The following BRAT1 variants were observed in gnomAD, a reference collection of about 807,000 sequenced individuals.
The protein encoded by BRAT1 is BRCA1 associated ATM activator 1.
Under a neutral mutation model 70.6 loss-of-function variants are expected in BRAT1, and 74 were observed. The ratio of observed to expected loss-of-function variants is 1.05; its 90% CI spans 0.87 to 1.27. BRAT1 has a LOEUF of 1.27. Among genes scored for constraint, BRAT1 ranks in the 50% most tolerant of loss-of-function variants. BRAT1 has a pLI of 0.00. For missense variants in BRAT1, 1,203 were observed against 1,098.2 expected (o/e 1.10, Z -1.35); for synonymous variants, 615 against 517.1 (o/e 1.19, Z -2.57).
In BRAT1 at chr7:2,539,661, G is replaced by A. The variant is rs1280788204; in HGVS notation, c.1499-19C>T. The A allele has an allele frequency of 2.5e-6, 4 of 1,577,902 alleles. No individual in the cohort carries two copies. The highest frequency in any genetic ancestry group is 8.6e-7 in the Non-Finnish European group (1 of 1,160,338). The stretch of plus-strand genomic sequence containing the variant: ...AACAGCTCTAGGGTGGGAAGGGACA[G>A]GTCAGGGTGACCTTGGGGCCAGGCT... On this transcript the variant is annotated intron_variant, in intron 11 of 13. Transcript: ENST00000340611.
Position 2,538,096 on chromosome 7 carries a change from C to T in BRAT1, c.2439G>A (p.Leu813=). The T allele has an allele frequency of 6.3e-7, 1 of 1,582,668 alleles. No homozygotes were observed. The highest frequency in any genetic ancestry group is 8.6e-7 in the Non-Finnish European group (1 of 1,159,018). Residue 813 remains leucine (L), a synonymous_variant, in exon 14 of 14, where the codon CTG becomes CTA. Transcript: ENST00000340611. ...AGTAGCAGTCGGCCTCGTCCCCCTG[C>T]AGGAAGCCTCCCGTGGCCAGCATGT... ...LQDMLATGGF[L]QGDEADCY
Position 2,537,981 on chromosome 7 carries a change from C to A in BRAT1, c.*88G>T. The A allele has an allele frequency of 1.4e-6, 2 of 1,436,840 alleles. No individual in the cohort carries two copies. The highest frequency in any genetic ancestry group is 1.8e-6 in the Non-Finnish European group (2 of 1,096,870). The allele number at this position is 1,436,840 out of a possible 1,614,324, so 89.0% of individuals were successfully genotyped here. ...TCCCCAGAGGATCCACCGGGCTGGG[C>A]TGGAGCCCTGGGGCTGGCAGTGTCC... On this transcript the variant is annotated 3_prime_UTR_variant, in exon 14 of 14. Transcript: ENST00000340611.
intron 2 of BRAT1, among the ~76,000 whole-genome samples, chr7:2,552,097 TATATATA>T (rs1562593528): frequency 6.5e-4 from 13 of 19,968 alleles, no homozygotes; most frequent in Admixed American, 4.6e-3. Flanking sequence ...TATATATATA[TATATATA>T]TATTTTTTTT....
Position 2,543,194 on chromosome 7 carries a change from CA to C in BRAT1, c.923+9del. On this transcript the variant is annotated intron_variant, in intron 6 of 13. Coordinates refer to ENST00000340611, the MANE Select transcript of BRAT1 (RefSeq NM_152743.4). The surrounding 1 kb of genome is among the most constrained non-coding windows in gnomAD (Gnocchi z 5.5). ...ACCCGCCTCGGAATGAAATGCACCCCAGACCATACCAGTGCTCGAGCTTCAG... is the reference window on the plus strand; with the variant it reads ...ACCCGCCTCGGAATGAAATGCACCCCGACCATACCAGTGCTCGAGCTTCAG... 6.3e-7 allele frequency: 1 copy of C among 1,594,342 alleles called. No homozygotes were observed. The highest frequency in any genetic ancestry group is 8.5e-7 in the Non-Finnish European group (1 of 1,170,796).
intron 8 of BRAT1, 68 bp from the exon 9 acceptor site, chr7:2,541,552 A>G: frequency 6.7e-7 from 1 of 1,482,780 alleles, no homozygotes; most frequent in East Asian, 2.5e-5. Context: ...GGGTGCTGGG[A>G]CTTCGAGGCA....
At position 2,541,069 on chromosome 7, in the gene BRAT1, T is replaced by C. The variant is rs565014129; in HGVS notation, c.1322-17A>G. 1 of 1,544,272 alleles carries C rather than the reference T, an allele frequency of 6.5e-7. No homozygotes were observed. Among genetic ancestry groups the C allele is most frequent in the Non-Finnish European group, 8.7e-7 (1 of 1,155,334 alleles). ...CCTGGGGGCCTGAGACAGAGGTGAG[T>C]GGATAAACCACCCCCACCCCCACCC... On this transcript the variant is annotated splice_polypyrimidine_tract_variant and intron_variant, in intron 9 of 13. Coordinates refer to ENST00000340611, the MANE Select transcript of BRAT1 (RefSeq NM_152743.4).
chr7:2,539,352 C>T lies in BRAT1; in HGVS notation c.1598-1G>A, dbSNP rs1778960981. On this transcript the variant is annotated splice_acceptor_variant, in intron 12 of 13. Transcript: ENST00000340611. LOFTEE classifies it high-confidence loss of function. ...AGTGCGCATCTGAAGTCAGCCTGTC[C>T]TGGGGGTCGAAACGGCCACATGCAG... is the stretch of plus-strand genomic sequence containing the variant. The T allele has an allele frequency of 1.2e-6, 2 of 1,601,394 alleles. No individual in the cohort carries two copies. Among genetic ancestry groups the T allele is most frequent in the Admixed American group, 1.7e-5 (1 of 59,618 alleles).
At chr7:2,539,381 T>G in intron 12 of BRAT1, 30 bp from the exon 13 acceptor site, 1 of 1,584,404 alleles carries the variant, frequency 6.3e-7, no homozygotes, top group Non-Finnish European at 8.6e-7. Flanking sequence ...CATGCAGCTG[T>G]GACTGAGGGC....
At chr7:2,549,548 A>G (rs1002544302) in intron 2 of BRAT1, among the ~76,000 whole-genome samples, 3 of 152,224 alleles carry the variant, frequency 2.0e-5, no homozygotes, top group Non-Finnish European at 4.4e-5. Context: ...AGCTTTATCA[A>G]TCTGATGGAG....
intron 1 of BRAT1, 147 bp from the exon 2 acceptor site, chr7:2,554,594 G>C (rs1583346715): frequency 3.8e-6 from 4 of 1,058,846 alleles, no homozygotes; most frequent in South Asian, 3.4e-5. Context: ...CCCCAGACCA[G>C]AGGTCTGTAC....
intron 6 of BRAT1, chr7:2,542,981 C>T: frequency 2.3e-6 from 1 of 442,552 alleles, no homozygotes; most frequent in South Asian, 3.5e-5. Flanking sequence ...CTTCTCACCT[C>T]TGGGGATCTC....
In BRAT1 at chr7:2,538,248, G is replaced by C. The variant is rs747589994; in HGVS notation, c.2287C>G (p.Pro763Ala). ...GCCTCAGGCTCCTGGTCCCCTGGGG[G>C]CTGGGCCTGCTCACCCGCCCGCCAC... is the stretch of plus-strand genomic sequence containing the variant. ...PRWRAGEQAQPPGDQEPEAVL... is the reference protein window; with the variant it reads ...PRWRAGEQAQAPGDQEPEAVL... The change falls in exon 14 of 14, where the codon CCC (proline) becomes GCC (alanine). Residue 763 changes from proline to alanine, a missense_variant. Pro to Ala is a conservative substitution (Grantham distance 27, BLOSUM62 -1). Transcript: ENST00000340611. 6.2e-7 allele frequency: 1 copy of C among 1,610,348 alleles called. No individual in the cohort carries two copies. The highest frequency in any genetic ancestry group is 2.2e-5 in the East Asian group (1 of 44,840).
rs1372492903 is a variant in BRAT1, at chr7:2,538,617, G to A, written c.1918C>T (p.Gln640Ter). The A allele has an allele frequency of 6.3e-7, 1 of 1,598,090 alleles. No homozygotes were observed. Among genetic ancestry groups the A allele is most frequent in the Non-Finnish European group, 8.5e-7 (1 of 1,179,202 alleles). ...CAGTCCAGGTCTCGGCTCGCCGCCT[G>A]CAGCACAGTGGCCACGAACTGCTCC... Reference protein sequence around the residue: ...DTEQFVATVLQAASRDLDWEV... With the variant: ...DTEQFVATVL The change falls in exon 14 of 14, where the codon CAG (glutamine) becomes TAG (stop). Residue 640 changes from glutamine to a stop codon, truncating the protein, a stop_gained. Transcript: ENST00000340611. LOFTEE classifies it low-confidence loss of function (END_TRUNC).
At chr7:2,553,943 G>T (rs761963809) in intron 2 of BRAT1, among the ~76,000 whole-genome samples, 1 of 151,846 alleles carries the variant, frequency 6.6e-6, no homozygotes, top group Non-Finnish European at 1.5e-5. Flanking sequence ...CACTGCATCC[G>T]GCCCCTACTT....
chr7:2,552,688 G>A (rs956670805), intron 2 of BRAT1, among the ~76,000 whole-genome samples: 2 of 151,604 alleles, frequency 1.3e-5, no homozygotes, highest in South Asian at 4.2e-4. Context: ...TCAACCATGA[G>A]AATAAACATT....
chr7:2,540,220 C>A (rs896840713), intron 10 of BRAT1: 2 of 263,406 alleles, frequency 7.6e-6, no homozygotes, highest in Non-Finnish European at 1.4e-5. Flanking sequence ...CTGAGCTATA[C>A]TCCTGGGGCT....
At chr7:2,544,393 G>C (rs1228168520) in intron 4 of BRAT1, 1 of 168,524 alleles carries the variant, frequency 5.9e-6, no homozygotes, top group Non-Finnish European at 1.3e-5. Context: ...GTAGAGACAG[G>C]GTTTCACCAT....
intron 2 of BRAT1, among the ~76,000 whole-genome samples, chr7:2,549,699 A>T (rs758582543): frequency 3.3e-5 from 5 of 152,204 alleles, no homozygotes; most frequent in Non-Finnish European, 5.9e-5. Context: ...GATTAAATTA[A>T]ACACTAAAAA....
rs1779188655 is a variant in BRAT1, at chr7:2,541,781, G to A, written c.1071C>T (p.Ser357=). ...DATTVDTLLA[S]KSSCAGLLCR... ...ACAGGAGGCCGGCGCAGGACGACTTGGAGGCCAGGAGTGTGTCCACCGTCG... is the reference window on the plus strand; with the variant it reads ...ACAGGAGGCCGGCGCAGGACGACTTAGAGGCCAGGAGTGTGTCCACCGTCG... The change falls in exon 8 of 14, where the codon TCC becomes TCT. Residue 357 remains serine (S), a synonymous_variant. Transcript: ENST00000340611. The A allele has an allele frequency of 6.2e-7, 1 of 1,612,594 alleles. No homozygotes were observed. The highest frequency in any genetic ancestry group is 1.7e-5 in the Admixed American group (1 of 59,954).
Sources: gnomAD v4.1 joint callset for allele counts (sites outside exome capture counted in the v4.1 genomes callset) on GRCh38, gnomAD v4.1.1 for gene constraint, Gnocchi (gnomAD v3.1) non-coding constraint, MANE v1.5 for transcripts, NCBI Gene and HGNC (gene_info 2026-07-23, HGNC 2026-07-21) for gene names.